MIA2: variants seen among roughly 807,000 people sequenced by gnomAD.
MIA2 encodes the protein MIA SH3 domain ER export factor 2, also known as melanoma inhibitory activity protein 2.
Under a neutral mutation model 167.8 loss-of-function variants are expected in MIA2, and 127 were observed. That is an observed-to-expected ratio of 0.76 (90% CI 0.66 to 0.88). The LOEUF (loss-of-function observed/expected upper bound fraction) is 0.88, where lower values mean the gene tolerates loss of function less well. Ranked by LOEUF, MIA2 falls within the 40% of genes least tolerant of loss-of-function variation. MIA2 has a pLI of 0.00. For synonymous variants in MIA2, 552 were observed against 541.9 expected (o/e 1.02, Z -0.26); for missense variants, 1,690 against 1,624.7 (o/e 1.04, Z -0.69).
intron 3 of MIA2, among the ~76,000 whole-genome samples, chr14:39,246,195 C>T (rs2054299570): frequency 6.6e-6 from 1 of 151,950 alleles, no homozygotes; most frequent in Non-Finnish European, 1.5e-5. Context: ...CTCCTGGGTT[C>T]AAGCAATTCT....
At chr14:39,329,797 C>G (rs2068396232) in intron 25 of MIA2, among the ~76,000 whole-genome samples, 1 of 152,098 alleles carries the variant, frequency 6.6e-6, no homozygotes, top group African/African-American at 2.4e-5. Context: ...GTTGAACCAG[C>G]CTTGCATCCC....
chr14:39,342,326 A>G (rs1366775147), intron 25 of MIA2, among the ~76,000 whole-genome samples: 4 of 151,952 alleles, frequency 2.6e-5, no homozygotes, highest in African/African-American at 9.7e-5. Flanking sequence ...CCATGTCCCT[A>G]CAAAGGACAT....
intron 6 of MIA2, among the ~76,000 whole-genome samples, chr14:39,264,200 T>C (rs1040255800): frequency 6.6e-6 from 1 of 152,218 alleles, no homozygotes; most frequent in Non-Finnish European, 1.5e-5. Flanking sequence ...ACATGTGATA[T>C]TTGGTTTTCA....
intron 13 of MIA2, among the ~76,000 whole-genome samples, chr14:39,298,413 T>TTTTATATA (rs1397878336): frequency 2.3e-4 from 6 of 26,132 alleles, no homozygotes; most frequent in African/African-American, 7.0e-4. Flanking sequence ...TGATTCTGTT[T>TTTTATATA]TATATATATA....
chr14:39,326,024 G>T (rs1024547014), intron 24 of MIA2, among the ~76,000 whole-genome samples: 2 of 152,132 alleles, frequency 1.3e-5, no homozygotes, highest in Non-Finnish European at 2.9e-5. Context: ...CTGTATATGG[G>T]TTTTTAATTA....
At chr14:39,384,394 G>C (rs558983699) in intron 23 of MIA2, among the ~76,000 whole-genome samples, 26 of 152,288 alleles carry the variant, frequency 1.7e-4, no homozygotes, top group Admixed American at 5.2e-4. Context: ...TGGTTATTAA[G>C]GAGCTCTGAT....
chr14:39,288,446 TATATA>T (rs2060128702), intron 9 of MIA2, among the ~76,000 whole-genome samples: 6 of 28,106 alleles, frequency 2.1e-4, no homozygotes, highest in South Asian at 1.0e-3. Context: ...TATATATATA[TATATA>T]TATATATATA....
rs35478238 is a variant in MIA2 at position 39,311,466 on chromosome 14, CTTTTTT to C, written c.3018-1853_3018-1848del. On this transcript the variant is annotated intron_variant, in intron 18 of 28. Transcript: ENST00000640607. ...TAGGACCTAGAAGCTTGATGTGTTGCTTTTTTTTTTTTTTTTTTTTTTTTTTGGTGA... is the reference window on the plus strand; with the variant it reads ...TAGGACCTAGAAGCTTGATGTGTTGCTTTTTTTTTTTTTTTTTTTTGGTGA... Among the ~76,000 whole-genome samples the C allele has an allele frequency of 3.5e-3, 151 of 43,332 alleles. No homozygotes were observed. The Middle Eastern group carries it at 0.058, about 17-fold the overall frequency. 28.4% of individuals were successfully genotyped at this position (43,332 alleles called of 152,430 possible).
At chr14:39,353,933 A>G (rs1403490542), downstream of MIA2, among the ~76,000 whole-genome samples, 2 of 152,186 alleles carry the variant, frequency 1.3e-5, no homozygotes, top group Non-Finnish European at 1.5e-5. Flanking sequence ...CATGGTGTAT[A>G]TGTGCCACAT....
chr14:39,335,658 A>G (rs936958893), intron 25 of MIA2, among the ~76,000 whole-genome samples: 1 of 152,086 alleles, frequency 6.6e-6, no homozygotes, highest in African/African-American at 2.4e-5. Flanking sequence ...GGTTTGTTAC[A>G]TGGGTATATT....
intron 25 of MIA2, among the ~76,000 whole-genome samples, chr14:39,332,687 C>T (rs546968611): frequency 2.6e-5 from 4 of 152,198 alleles, no homozygotes; most frequent in East Asian, 1.9e-4. Context: ...ATTTCCTGAA[C>T]GCTTGTGCTT....
At chr14:39,269,087 T>TTTTTTTTA in intron 6 of MIA2, 1 of 960,704 alleles carries the variant, frequency 1.0e-6, no homozygotes, top group Non-Finnish European at 1.2e-6. Context: ...TTTTTTTTTT[T>TTTTTTTTA]TTTTTTTTTT....
intron 25 of MIA2, among the ~76,000 whole-genome samples, chr14:39,334,811 A>T (rs1369527773): frequency 6.6e-6 from 1 of 152,084 alleles, no homozygotes; most frequent in Non-Finnish European, 1.5e-5. Flanking sequence ...CAGGTGATCC[A>T]CCTGCCTTGG....
rs58641218 is a variant in MIA2, at chr14:39,301,039, TACACACACACACACACAC to T, written c.2620-1069_2620-1052del. On this transcript the variant is annotated intron_variant, in intron 14 of 28. Coordinates refer to ENST00000640607, the MANE Select transcript of MIA2 (RefSeq NM_001329214.4). ...ATATACACACATATATACATATACA[TACACACACACACACACAC>T]ACACACACACACACACACACGAGAT... Among the ~76,000 whole-genome samples the T allele has an allele frequency of 2.2e-3, 325 of 145,234 alleles. 1 individual carries two copies. The highest frequency in any genetic ancestry group is 6.4e-3 in the African/African-American group (247 of 38,448).
chr14:39,364,363 T>C (rs1376628457), intron 23 of MIA2, among the ~76,000 whole-genome samples: 5 of 148,534 alleles, frequency 3.4e-5, no homozygotes, highest in African/African-American at 1.3e-4. Flanking sequence ...AGCAAGACTC[T>C]CAAAAAAAAA....
intron 1 of MIA2, 64 bp from the exon 2 acceptor site, chr14:39,236,858 A>T: frequency 6.9e-7 from 1 of 1,447,970 alleles, no homozygotes; most frequent in Non-Finnish European, 9.4e-7. Context: ...GGACAGCAAG[A>T]TGAAAGGAGG....
At chr14:39,357,882 G>C (rs36156566) in intron 23 of MIA2, among the ~76,000 whole-genome samples, 98,179 of 151,520 alleles carry the variant, frequency 0.65, 33,134 homozygotes, top group African/African-American at 0.85. Context: ...ATATTGGCCC[G>C]CACTCTCTTC....
intron 23 of MIA2, among the ~76,000 whole-genome samples, chr14:39,384,091 T>C (rs994889186): frequency 2.0e-5 from 3 of 152,180 alleles, no homozygotes; most frequent in African/African-American, 4.8e-5. Flanking sequence ...TCTAGGACTT[T>C]GATAGCTAGA....
At chr14:39,337,078 TG>T (rs1454436539) in intron 25 of MIA2, among the ~76,000 whole-genome samples, 2 of 152,296 alleles carry the variant, frequency 1.3e-5, no homozygotes, top group South Asian at 4.1e-4. Flanking sequence ...TTTTAAAACT[TG>T]TTTCATTTCT....
Sources: gnomAD v4.1 joint callset for allele counts (sites outside exome capture counted in the v4.1 genomes callset) on GRCh38, gnomAD v4.1.1 for gene constraint, MANE v1.5 for transcripts, NCBI Gene and HGNC (gene_info 2026-07-23, HGNC 2026-07-21) for gene names.